Variants in SLC25A48 observed in about 807,000 individuals in gnomAD.
SLC25A48 encodes CTC-321K16.1.
A neutral mutation model predicts 32.2 loss-of-function variants in SLC25A48; 29 were observed. That is an observed-to-expected ratio of 0.90 (90% CI 0.67 to 1.23). The LOEUF (loss-of-function observed/expected upper bound fraction) is 1.23, where lower values mean the gene tolerates loss of function less well. Among genes scored for constraint, SLC25A48 ranks in the 50% most tolerant of loss-of-function variants. The pLI, the probability that SLC25A48 is intolerant of heterozygous loss-of-function variation, is 0.00. For missense variants in SLC25A48, 399 were observed against 422.7 expected, an observed-to-expected ratio of 0.94 and a Z score of 0.49; for synonymous variants, 164 against 172.3, an observed-to-expected ratio of 0.95 and a Z score of 0.38.
intron 7 of SLC25A48, among the ~76,000 whole-genome samples, chr5:135,887,577 C>T (rs1420488360): frequency 1.3e-5 from 2 of 152,108 alleles, no homozygotes; most frequent in Admixed American, 1.3e-4. Flanking sequence ...TCAACTAAAC[C>T]CTCCGCAGGA....
chr5:135,630,227 C>T (rs537376750), intron 2 of SLC25A48, among the ~76,000 whole-genome samples: 5 of 152,250 alleles, frequency 3.3e-5, no homozygotes, highest in African/African-American at 1.2e-4. Context: ...AGCAAACTCC[C>T]TTAGACACAT....
At chr5:135,645,420 A>C (rs1752935958) in intron 3 of SLC25A48, among the ~76,000 whole-genome samples, 1 of 152,244 alleles carries the variant, frequency 6.6e-6, no homozygotes, top group African/African-American at 2.4e-5. Context: ...TGGCGTCACC[A>C]CTAGAAAGTG....
chr5:135,589,972 AG>A (rs1172542517), intron 1 of SLC25A48, among the ~76,000 whole-genome samples: 2 of 152,214 alleles, frequency 1.3e-5, no homozygotes, highest in African/African-American at 4.8e-5. Context: ...CTGGGATTAC[AG>A]GCATAAGCCA....
Position 135,710,880 on chromosome 5 carries a change from G to GT in SLC25A48, c.-521+75925dup, listed in dbSNP as rs577923887. Among the ~76,000 whole-genome samples the GT allele has an allele frequency of 0.021, 108 of 5,262 alleles. No individual in the cohort carries two copies. In the South Asian group the frequency reaches 0.22, roughly 11 times the overall value. 3.5% of individuals were successfully genotyped at this position (5,262 alleles called of 152,430 possible). A position where few individuals can be genotyped will look rare whatever the true frequency, so the allele number is the denominator to read the frequency against. ...TTCAAAAGTTTATTTCCTCCTCGAA[G>GT]TATTTTTTTCTGCATAAAGAAATAT... On this transcript the variant is annotated intron_variant, in intron 3 of 10. Transcript: ENST00000646290.
At chr5:135,610,313 C>G (rs944326456) in intron 1 of SLC25A48, among the ~76,000 whole-genome samples, 5 of 152,222 alleles carry the variant, frequency 3.3e-5, no homozygotes, top group African/African-American at 1.2e-4. Context: ...CTTGAAAAAT[C>G]ACAGCCCCAA....
chr5:135,741,969 A>T (rs944335478), intron 3 of SLC25A48, among the ~76,000 whole-genome samples: 1 of 152,180 alleles, frequency 6.6e-6, no homozygotes, highest in African/African-American at 2.4e-5. Context: ...ACAGAATCCA[A>T]TGAAATGCTT....
chr5:135,858,920 A>C (rs75089194), intron 4 of SLC25A48, among the ~76,000 whole-genome samples: 2,060 of 152,104 alleles, frequency 0.014, 39 homozygotes, highest in African/African-American at 0.043. Flanking sequence ...GGGGGAAGGA[A>C]TTTGGTGGCA....
At chr5:135,792,798 A>G (rs959112263) in intron 3 of SLC25A48, among the ~76,000 whole-genome samples, 1 of 150,766 alleles carries the variant, frequency 6.6e-6, no homozygotes, top group African/African-American at 2.4e-5. Flanking sequence ...TTCCTAATAT[A>G]CTGAGAAGAT....
intron 7 of SLC25A48, among the ~76,000 whole-genome samples, chr5:135,881,111 A>G (rs1762442055): frequency 6.6e-6 from 1 of 152,198 alleles, no homozygotes; most frequent in Admixed American, 6.5e-5. Flanking sequence ...ATATGCCCTC[A>G]GGCCTCCTCT....
At chr5:135,582,497 TG>T (rs1207804229) in intron 1 of SLC25A48, among the ~76,000 whole-genome samples, 1 of 151,950 alleles carries the variant, frequency 6.6e-6, no homozygotes, top group Non-Finnish European at 1.5e-5. Flanking sequence ...ATATGAAGGA[TG>T]GAAAGGAATT....
chr5:135,580,329 AG>A (rs1256229535), intron 1 of SLC25A48, among the ~76,000 whole-genome samples: 1 of 152,120 alleles, frequency 6.6e-6, no homozygotes, highest in Non-Finnish European at 1.5e-5. Context: ...CAGAGACAGG[AG>A]GTGGATCATC....
chr5:135,811,982 T>C (rs12516288), intron 3 of SLC25A48, among the ~76,000 whole-genome samples: 19,918 of 151,956 alleles, frequency 0.13, 1,715 homozygotes, highest in Non-Finnish European at 0.19. Flanking sequence ...CTCAGGAAGC[T>C]GAGGCAGGAG....
chr5:135,609,403 A>G (rs1159377419), intron 1 of SLC25A48: 2 of 152,236 alleles, frequency 1.3e-5, no homozygotes, highest in Admixed American at 1.3e-4. Context: ...TGAACGACTA[A>G]ATAAACCGGC....
chr5:135,737,365 T>G (rs1222606483), intron 3 of SLC25A48, among the ~76,000 whole-genome samples: 1 of 152,126 alleles, frequency 6.6e-6, no homozygotes, highest in East Asian at 1.9e-4. Context: ...GTGTCATCAG[T>G]TAAGGCAGGA....
chr5:135,654,386 G>T (rs776297746), intron 3 of SLC25A48, among the ~76,000 whole-genome samples: 2 of 152,134 alleles, frequency 1.3e-5, no homozygotes, highest in Non-Finnish European at 2.9e-5. Flanking sequence ...TATCAGTTGG[G>T]GTTCAGTCAG....
chr5:135,709,953 C>T (rs550610036), intron 3 of SLC25A48, among the ~76,000 whole-genome samples: 6 of 152,296 alleles, frequency 3.9e-5, no homozygotes, highest in African/African-American at 9.6e-5. Context: ...CTCAGATAAA[C>T]GACATTTACC....
chr5:135,852,689 G>T lies in SLC25A48; in HGVS notation c.289G>T (p.Ala97Ser), dbSNP rs779287788. ...LSQHRCGEPE[A>S]SPPRTLSDLL... ...CCAGCACCGCTGCGGGGAGCCAGAGGCCAGTCCTCCCCGCACGCTGTCAGA... is the reference window on the plus strand; with the variant it reads ...CCAGCACCGCTGCGGGGAGCCAGAGTCCAGTCCTCCCCGCACGCTGTCAGA... The change falls in exon 4 of 8, where the codon GCC becomes TCC. Residue 97 changes from alanine to serine, a missense_variant. By Grantham distance (99) the Ala-to-Ser change is moderately conservative (BLOSUM62 1). Coordinates refer to ENST00000681962, the MANE Select transcript of SLC25A48 (RefSeq NM_001349336.2). 5 of 1,613,968 alleles carry T rather than the reference G, an allele frequency of 3.1e-6. No individual in the cohort carries two copies. Among genetic ancestry groups the T allele is most frequent in the Non-Finnish European group, 3.4e-6 (4 of 1,179,986 alleles).
At chr5:135,588,478 C>T (rs1508777) in intron 1 of SLC25A48, among the ~76,000 whole-genome samples, 1,732 of 152,266 alleles carry the variant, frequency 0.011, 29 homozygotes, top group African/African-American at 0.038. Context: ...GCGGGGGCTG[C>T]GGGCCAGAGG....
chr5:135,687,719 C>T (rs570120231), intron 3 of SLC25A48, among the ~76,000 whole-genome samples: 2 of 152,252 alleles, frequency 1.3e-5, no homozygotes, highest in East Asian at 3.9e-4. Context: ...GTTCTCAGGG[C>T]TCTTGCAGAG....
Sources: gnomAD v4.1 joint callset for allele counts (sites outside exome capture counted in the v4.1 genomes callset) on GRCh38, gnomAD v4.1.1 for gene constraint, MANE v1.5 for transcripts, NCBI Gene and HGNC (gene_info 2026-07-23, HGNC 2026-07-21) for gene names.